IL1RAPL2: variants seen among roughly 807,000 people sequenced by gnomAD.
The protein encoded by IL1RAPL2 is interleukin 1 receptor accessory protein like 2, also known as X-linked interleukin-1 receptor accessory protein-like 2.
Under a neutral mutation model 44.1 loss-of-function variants are expected in IL1RAPL2, and 3 were observed. The observed-to-expected ratio is 0.07, with a 90% CI of 0.03 to 0.18. The LOEUF is 0.18. IL1RAPL2 is among the 10% of genes least tolerant of loss of function. IL1RAPL2 has a pLI of 1.00. For synonymous variants in IL1RAPL2, 181 were observed against 178.8 expected (o/e 1.01, Z -0.10); for missense variants, 391 against 496.4 (o/e 0.79, Z 2.02).
At chrX:105,036,297 A>G (rs2031627582) in intron 2 of IL1RAPL2, among the ~76,000 whole-genome samples, 1 of 112,005 alleles carries the variant, frequency 8.9e-6, no homozygotes, top group Non-Finnish European at 1.9e-5. Flanking sequence ...AGAAATGAGA[A>G]CACAGAAAGT....
At chrX:104,778,564 AAT>A (rs35804353) in intron 2 of IL1RAPL2, among the ~76,000 whole-genome samples, 53,159 of 99,330 alleles carry the variant, frequency 0.54, 12,338 homozygotes, top group African/African-American at 0.8. Flanking sequence ...CGTCTCAAAT[AAT>A]ATATATATAT....
Position 105,370,573 on chromosome X carries a change from GTGCGTAGTATTCTATGGTGTAT to G in IL1RAPL2, c.697+103033_697+103054del, listed in dbSNP as rs2035331048. Reference sequence around the variant, plus strand: ...ACATGATATAATTCTTTTTTCATGGGTGCGTAGTATTCTATGGTGTATATGTAACACATTTTCTTTACCTAGT... The same window carrying G: ...ACATGATATAATTCTTTTTTCATGGGATGTAACACATTTTCTTTACCTAGT... On this transcript the variant is annotated intron_variant, in intron 5 of 10. Coordinates refer to ENST00000372582, the MANE Select transcript of IL1RAPL2 (RefSeq NM_017416.2). Among the ~76,000 whole-genome samples, 3 of 111,929 alleles carry G rather than the reference GTGCGTAGTATTCTATGGTGTAT, an allele frequency of 2.7e-5. No individual in the cohort carries two copies. In the South Asian group the frequency reaches 1.1e-3, roughly 42 times the overall value.
chrX:104,797,121 A>C (rs957850955), intron 2 of IL1RAPL2, among the ~76,000 whole-genome samples: 2 of 95,632 alleles, frequency 2.1e-5, no homozygotes, highest in Non-Finnish European at 4.0e-5. Flanking sequence ...AAAATCCTTT[A>C]TCTCTCCAAA....
At chrX:105,279,890 C>T (rs1484184210) in intron 5 of IL1RAPL2, among the ~76,000 whole-genome samples, 2 of 112,365 alleles carry the variant, frequency 1.8e-5, no homozygotes, top group African/African-American at 3.2e-5. Flanking sequence ...TCCCATCAAG[C>T]TACCACTGAC....
intron 2 of IL1RAPL2, among the ~76,000 whole-genome samples, chrX:104,795,586 G>A (rs1264551085): frequency 9.0e-6 from 1 of 110,921 alleles, no homozygotes; most frequent in Non-Finnish European, 1.9e-5. Flanking sequence ...AGCTTTTTAG[G>A]ACCCCACCTT....
intron 5 of IL1RAPL2, among the ~76,000 whole-genome samples, chrX:105,348,087 T>C (rs766918928): frequency 1.8e-5 from 2 of 112,161 alleles, no homozygotes; most frequent in Non-Finnish European, 3.8e-5. Flanking sequence ...ATCTTGATTT[T>C]TGAAACTAAA....
At chrX:105,263,484 TATG>T (rs1317544360) in intron 4 of IL1RAPL2, among the ~76,000 whole-genome samples, 1 of 111,733 alleles carries the variant, frequency 8.9e-6, no homozygotes, top group African/African-American at 3.3e-5. Flanking sequence ...CACCTGTAGG[TATG>T]ATGATGATAT....
intron 5 of IL1RAPL2, among the ~76,000 whole-genome samples, chrX:105,412,237 C>T (rs1182295636): frequency 3.7e-5 from 4 of 108,281 alleles, no homozygotes; most frequent in Non-Finnish European, 7.7e-5. Context: ...TATTGTAGCA[C>T]TATTTACAAT....
intron 6 of IL1RAPL2, among the ~76,000 whole-genome samples, chrX:105,566,052 G>A (rs774480187): frequency 1.8e-5 from 2 of 111,173 alleles, no homozygotes; most frequent in African/African-American, 6.5e-5. Context: ...GATGGAGGGA[G>A]GGGGAGCTAG....
At chrX:105,596,420 G>C (rs925259341) in intron 6 of IL1RAPL2, among the ~76,000 whole-genome samples, 4 of 109,829 alleles carry the variant, frequency 3.6e-5, no homozygotes, top group Non-Finnish European at 7.6e-5. Context: ...TTGACCATTG[G>C]TTGTTCAGAA....
At chrX:105,449,466 C>T (rs2036001941) in intron 5 of IL1RAPL2, among the ~76,000 whole-genome samples, 1 of 110,858 alleles carries the variant, frequency 9.0e-6, no homozygotes, top group African/African-American at 3.3e-5. Context: ...CTCCTGTAGT[C>T]CCAGCTACTC....
At chrX:104,681,185 C>G (rs1309749648) in intron 2 of IL1RAPL2, among the ~76,000 whole-genome samples, 1 of 112,227 alleles carries the variant, frequency 8.9e-6, no homozygotes, top group Non-Finnish European at 1.9e-5. Flanking sequence ...ATATAATACT[C>G]TCAATAAATT....
intron 3 of IL1RAPL2, chrX:105,220,207 T>A: frequency 8.3e-7 from 1 of 1,211,695 alleles, no homozygotes; most frequent in African/African-American, 1.7e-5. Flanking sequence ...GCAGGCCTCT[T>A]TGACCTCACT....
intron 1 of IL1RAPL2, among the ~76,000 whole-genome samples, chrX:104,643,055 C>A (rs773650910): frequency 1.8e-5 from 2 of 112,073 alleles, no homozygotes; most frequent in African/African-American, 6.5e-5. Flanking sequence ...AAATGAATGA[C>A]AATTTATATT....
intron 2 of IL1RAPL2, among the ~76,000 whole-genome samples, chrX:104,865,496 C>G: frequency 9.0e-6 from 1 of 111,158 alleles, no homozygotes. Context: ...CTTAATTGGA[C>G]TAAAGGATGC....
At chrX:105,266,201 C>A (rs937644049) in intron 4 of IL1RAPL2, among the ~76,000 whole-genome samples, 3 of 109,882 alleles carry the variant, frequency 2.7e-5, no homozygotes, top group Non-Finnish European at 3.8e-5. Flanking sequence ...GACACCACGC[C>A]CAGCTAATTT....
chrX:105,411,632 A>T (rs1470090126), intron 5 of IL1RAPL2, among the ~76,000 whole-genome samples: 1 of 111,674 alleles, frequency 9.0e-6, no homozygotes, highest in African/African-American at 3.2e-5. Flanking sequence ...TTGTAAATAT[A>T]TATGCACCCA....
chrX:104,620,639 CAAAAAA>C (rs771769782), intron 1 of IL1RAPL2, among the ~76,000 whole-genome samples: 6 of 14,585 alleles, frequency 4.1e-4, no homozygotes, highest in Admixed American at 1.6e-3. Context: ...GAGTCTGTCT[CAAAAAA>C]AAAAAAAAAA....
chrX:105,153,436 T>C (rs2033244392), intron 2 of IL1RAPL2, among the ~76,000 whole-genome samples: 1 of 111,782 alleles, frequency 8.9e-6, no homozygotes, highest in Non-Finnish European at 1.9e-5. Flanking sequence ...AGACCTGTAA[T>C]ACAGACTCAA....
Sources: allele counts gnomAD v4.1 joint callset (sites outside exome capture counted in the v4.1 genomes callset), GRCh38; gene constraint gnomAD v4.1.1; transcripts MANE v1.5; gene names NCBI Gene and HGNC (gene_info 2026-07-23, HGNC 2026-07-21).